The following PPP1R12B variants were observed in gnomAD, a reference collection of about 807,000 sequenced individuals.
PPP1R12B encodes myosin phosphatase target subunit 2.
In PPP1R12B, 76 loss-of-function variants were observed where a neutral mutation model predicts 126.1. That is an observed-to-expected ratio of 0.60 (90% confidence interval 0.50 to 0.73). The LOEUF is 0.73. Ranked by LOEUF, PPP1R12B falls within the 30% of genes least tolerant of loss-of-function variation. PPP1R12B has a pLI of 0.00. For missense variants in PPP1R12B, 1,052 were observed against 1,205.1 expected (o/e 0.87, Z 1.88); for synonymous variants, 356 against 434.7 (o/e 0.82, Z 2.25).
intron 13 of PPP1R12B, among the ~76,000 whole-genome samples, chr1:202,476,741 G>A (rs1676725224): frequency 6.6e-6 from 1 of 151,410 alleles, no homozygotes; most frequent in Non-Finnish European, 1.5e-5. Flanking sequence ...ATCTATAAAA[G>A]CTATATACTC....
intron 1 of PPP1R12B, among the ~76,000 whole-genome samples, chr1:202,405,281 C>T (rs1666445209): frequency 6.6e-6 from 1 of 152,072 alleles, no homozygotes; most frequent in Non-Finnish European, 1.5e-5. Flanking sequence ...CTATAGGAGC[C>T]CTGGCCCATT....
At chr1:202,562,656 T>C in intron 19 of PPP1R12B, 122 bp from the exon 20 acceptor site, 1 of 1,097,702 alleles carries the variant, frequency 9.1e-7, no homozygotes, top group South Asian at 1.3e-5. Context: ...ATGTTATGAG[T>C]TGTTTCTGGC....
chr1:202,374,526 C>G (rs1660843761), intron 1 of PPP1R12B, among the ~76,000 whole-genome samples: 1 of 106,406 alleles, frequency 9.4e-6, no homozygotes, highest in Admixed American at 1.5e-4. Context: ...GAGACGGAGT[C>G]TCACTCTGTC....
At chr1:202,545,204 G>A (rs574128971) in intron 18 of PPP1R12B, among the ~76,000 whole-genome samples, 4 of 152,278 alleles carry the variant, frequency 2.6e-5, no homozygotes, top group Admixed American at 1.3e-4. Flanking sequence ...GAGTGTATTC[G>A]TTTTGGGGGT....
chr1:202,536,029 A>G (rs576249996), intron 18 of PPP1R12B, among the ~76,000 whole-genome samples: 83 of 152,298 alleles, frequency 5.4e-4, no homozygotes, highest in African/African-American at 1.7e-3. Context: ...TTTTTACTTT[A>G]CTTTAATCAA....
intron 10 of PPP1R12B, chr1:202,438,737 G>A (rs564599798): frequency 3.6e-5 from 25 of 689,566 alleles, no homozygotes; most frequent in African/African-American, 5.3e-5. Flanking sequence ...TGCAGACGTC[G>A]TGAGAGAACA....
At chr1:202,460,937 A>AT (rs1202725643) in intron 13 of PPP1R12B, among the ~76,000 whole-genome samples, 1 of 151,950 alleles carries the variant, frequency 6.6e-6, no homozygotes, top group South Asian at 2.1e-4. Context: ...CCTCTATGTA[A>AT]TTTTTTTTCA....
intron 18 of PPP1R12B, among the ~76,000 whole-genome samples, chr1:202,531,783 A>G (rs1252019432): frequency 6.6e-6 from 1 of 152,202 alleles, no homozygotes; most frequent in Non-Finnish European, 1.5e-5. Context: ...AGGCAGAGAC[A>G]TTTTTGAAAG....
At chr1:202,357,619 G>A (rs1433303640) in intron 1 of PPP1R12B, among the ~76,000 whole-genome samples, 1 of 152,140 alleles carries the variant, frequency 6.6e-6, no homozygotes, top group Non-Finnish European at 1.5e-5. Context: ...GATAATAGGG[G>A]CAAGAAAGTT....
intron 23 of PPP1R12B, among the ~76,000 whole-genome samples, chr1:202,570,679 T>G (rs1688507159): frequency 6.6e-6 from 1 of 152,176 alleles, no homozygotes; most frequent in Admixed American, 6.5e-5. Flanking sequence ...CAGTGAGTTA[T>G]TAGAGATAAC....
intron 18 of PPP1R12B, among the ~76,000 whole-genome samples, chr1:202,556,074 C>A (rs571994438): frequency 6.6e-6 from 1 of 152,204 alleles, no homozygotes; most frequent in South Asian, 2.1e-4. Flanking sequence ...TGGGGTTTTG[C>A]CACGTTGGCC....
intron 23 of PPP1R12B, among the ~76,000 whole-genome samples, chr1:202,577,681 A>G (rs1472823992): frequency 6.6e-6 from 1 of 152,206 alleles, no homozygotes; most frequent in Non-Finnish European, 1.5e-5. Context: ...CCTTGTAGTT[A>G]AAAGCAAGAC....
intron 1 of PPP1R12B, among the ~76,000 whole-genome samples, chr1:202,377,837 T>G (rs1259602321): frequency 1.1e-4 from 5 of 44,556 alleles, no homozygotes; most frequent in South Asian, 1.8e-3. Flanking sequence ...CAGGTGTTTT[T>G]TTTTTTTTTT....
At chr1:202,562,054 A>G (rs1379013396) in intron 19 of PPP1R12B, among the ~76,000 whole-genome samples, 1 of 152,250 alleles carries the variant, frequency 6.6e-6, no homozygotes, top group East Asian at 1.9e-4. Context: ...TTAAGGATTT[A>G]GGGTGATAGT....
intron 18 of PPP1R12B, among the ~76,000 whole-genome samples, chr1:202,514,609 G>A (rs1027962518): frequency 6.6e-6 from 1 of 152,150 alleles, no homozygotes; most frequent in Non-Finnish European, 1.5e-5. Flanking sequence ...TGTGTATGGT[G>A]CAAGGAAGGT....
At chr1:202,511,771 A>ATTTTTT (rs772556181) in intron 18 of PPP1R12B, among the ~76,000 whole-genome samples, 2 of 107,856 alleles carry the variant, frequency 1.9e-5, no homozygotes, top group Non-Finnish European at 3.7e-5. Flanking sequence ...ATATACCACA[A>ATTTTTT]TTTTTTTTTT....
intron 18 of PPP1R12B, among the ~76,000 whole-genome samples, chr1:202,515,766 G>A (rs1296285374): frequency 6.6e-6 from 1 of 152,074 alleles, no homozygotes; most frequent in East Asian, 1.9e-4. Flanking sequence ...TGTTGCCTAG[G>A]CTGGTCTCAA....
chr1:202,397,552 T>C (rs1665169096), intron 1 of PPP1R12B, among the ~76,000 whole-genome samples: 1 of 152,206 alleles, frequency 6.6e-6, no homozygotes, highest in African/African-American at 2.4e-5. Flanking sequence ...ACCTTTCCCT[T>C]CCTTAGAGGA....
chr1:202,465,909 C>G (rs1182610522), intron 13 of PPP1R12B, among the ~76,000 whole-genome samples: 1 of 152,096 alleles, frequency 6.6e-6, no homozygotes, highest in Non-Finnish European at 1.5e-5. Flanking sequence ...GCTCAAGAAT[C>G]CTTTGAGAAC....
Sources: gnomAD v4.1 joint callset for allele counts (sites outside exome capture counted in the v4.1 genomes callset) on GRCh38, gnomAD v4.1.1 for gene constraint, MANE v1.5 for transcripts, NCBI Gene and HGNC (gene_info 2026-07-23, HGNC 2026-07-21) for gene names.